LTBP2: variants seen among roughly 807,000 people sequenced by gnomAD.
LTBP2 encodes latent-transforming growth factor beta-binding protein 2.
In LTBP2, 103 loss-of-function variants were observed where a neutral mutation model predicts 210.6. The observed-to-expected ratio is 0.49, with a 90% CI of 0.42 to 0.58. LTBP2 has a LOEUF of 0.58. Among genes scored for constraint, LTBP2 ranks in the 20% least tolerant of loss-of-function variants. LTBP2 has a pLI of 0.00. For missense variants in LTBP2, 2,313 were observed against 2,494.5 expected, an observed-to-expected ratio of 0.93 and a Z score of 1.55; for synonymous variants, 1,007 against 1,015.0, an observed-to-expected ratio of 0.99 and a Z score of 0.15.
Position 74,500,841 on chromosome 14 carries a change from C to G in LTBP2, c.*43G>C, listed in dbSNP as rs773332497. ...TCATCCTCAAGGCCCCTGCCTGTGA[C>G]TGGAGGCCATTTCCAGGTAGTTGCC... On this transcript the variant is annotated 3_prime_UTR_variant, in exon 36 of 36. Coordinates refer to ENST00000261978, the MANE Select transcript of LTBP2 (RefSeq NM_000428.3). 1 of 1,612,304 alleles carries G rather than the reference C, an allele frequency of 6.2e-7. No homozygotes were observed. The highest frequency in any genetic ancestry group is 8.5e-7 in the Non-Finnish European group (1 of 1,179,440).
intron 3 of LTBP2, chr14:74,559,740 T>C (rs893494564): frequency 2.0e-5 from 3 of 152,238 alleles, no homozygotes; most frequent in African/African-American, 7.2e-5. Context: ...TTTAGCCAAA[T>C]CCTGTTTGCA....
chr14:74,583,667 C>T (rs891694854), intron 3 of LTBP2, among the ~76,000 whole-genome samples: 2 of 152,236 alleles, frequency 1.3e-5, no homozygotes, highest in Non-Finnish European at 2.9e-5. Context: ...CTCACACTGC[C>T]CATCCTCCTG....
At chr14:74,577,913 C>T (rs781406145) in intron 3 of LTBP2, among the ~76,000 whole-genome samples, 4 of 152,226 alleles carry the variant, frequency 2.6e-5, no homozygotes, top group East Asian at 1.9e-4. Flanking sequence ...TCCGAGCACA[C>T]GTTGGTCTTC....
chr14:74,510,130 G>A lies in LTBP2; in HGVS notation c.3112C>T (p.Gln1038Ter). 1 of 1,614,144 alleles carries A rather than the reference G, an allele frequency of 6.2e-7. No homozygotes were observed. ...LEGSFRCSCE[Q>*]GYEVTSDEKG... ...TCATCTGAGGTGACCTCATAGCCCT[G>A]CTCACAAGAGCATCTGAAGGAGCCT... The change falls in exon 20 of 36, where the codon CAG becomes TAG. Residue 1038 changes from glutamine (Q) to a stop codon, truncating the protein, a stop_gained. Transcript: ENST00000261978. LOFTEE classifies it high-confidence loss of function.
chr14:74,548,460 G>A (rs1442988322), intron 8 of LTBP2, among the ~76,000 whole-genome samples: 2 of 152,136 alleles, frequency 1.3e-5, no homozygotes, highest in Non-Finnish European at 2.9e-5. Context: ...GGGCCTGCAT[G>A]CTATGGCCTC....
In LTBP2 at chr14:74,555,515, A is replaced by G. The variant is rs2139752300; in HGVS notation, c.1009T>C (p.Ser337Pro). 1 of 1,613,678 alleles carries G rather than the reference A, an allele frequency of 6.2e-7. No homozygotes were observed. Among genetic ancestry groups the G allele is most frequent in the Middle Eastern group, 1.7e-4 (1 of 6,056 alleles). The change falls in exon 4 of 36, where the codon TCA becomes CCA. Residue 337 changes from serine (S) to proline (P), a missense_variant. Transcript: ENST00000261978. Reference protein sequence around the residue: ...TQQAVPLEHPSSPWGLNLTEK... With the variant: ...TQQAVPLEHPPSPWGLNLTEK... ...AGGGTATCCTTACCCCAGGGGGATG[A>G]GGGGTGCTCCAGAGGTACCGCCTGT...
At chr14:74,602,307 C>T (rs1399923900) in intron 2 of LTBP2, among the ~76,000 whole-genome samples, 2 of 152,192 alleles carry the variant, frequency 1.3e-5, no homozygotes, top group African/African-American at 2.4e-5. Context: ...ATTGACAGGT[C>T]GAACTAAGAT....
rs765433726 is a variant in LTBP2 at position 74,500,891 on chromosome 14, T to C, written c.5459A>G (p.Lys1820Arg). 6.2e-7 allele frequency: 1 copy of C among 1,614,088 alleles called. No individual in the cohort carries two copies. The highest frequency in any genetic ancestry group is 1.1e-5 in the South Asian group (1 of 91,088). Residue 1820 changes from lysine (K) to arginine (R), a missense_variant, in exon 36 of 36, where the codon AAG (lysine) becomes AGG (arginine). Around this residue, in one of 3 missense-constraint regions of LTBP2, gnomAD observed 443 missense variants for 501.4 expected, o/e 0.88. Transcript: ENST00000261978. The part of the protein sequence containing the change: ...AEAGPPHCTA[K>R]E The stretch of plus-strand genomic sequence containing the variant: ...CACACTGACCCCTGACTGCTACTCC[T>C]TGGCAGTGCAGTGGGGGGGCCCTGC...
intron 3 of LTBP2, among the ~76,000 whole-genome samples, chr14:74,578,612 C>T (rs2088092798): frequency 6.6e-6 from 1 of 152,166 alleles, no homozygotes; most frequent in Non-Finnish European, 1.5e-5. Flanking sequence ...AGTCTGCACT[C>T]CCCCATAACA....
Position 74,502,873 on chromosome 14 carries a change from G to T in LTBP2, c.4950C>A (p.His1650Gln). Residue 1650 changes from histidine (H) to glutamine (Q), a missense_variant, in exon 34 of 36, where the codon CAC (histidine) becomes CAA (glutamine). Around this residue, in one of 3 missense-constraint regions of LTBP2, gnomAD observed 443 missense variants for 501.4 expected, o/e 0.88. Transcript: ENST00000261978. ...RIEAEREAGVHFRPGYEYGPG... is the reference protein window; with the variant it reads ...RIEAEREAGVQFRPGYEYGPG... ...GGCCATACTCATAGCCTGGCCGGAAGTGGACCCCGGCCTCCCGCTCTGCCT... is the reference window on the plus strand; with the variant it reads ...GGCCATACTCATAGCCTGGCCGGAATTGGACCCCGGCCTCCCGCTCTGCCT... 8 of 1,613,726 alleles carry T rather than the reference G, an allele frequency of 5.0e-6. No homozygotes were observed. Among genetic ancestry groups the T allele is most frequent in the Non-Finnish European group, 6.8e-6 (8 of 1,180,042 alleles).
intron 12 of LTBP2, 111 bp downstream of exon 12, chr14:74,528,372 G>T: frequency 1.6e-6 from 2 of 1,251,566 alleles, no homozygotes; most frequent in Non-Finnish European, 1.2e-6. Flanking sequence ...CTTTCCTAAT[G>T]CCACAGAGAT....
chr14:74,518,486 C>T (rs1235231787), intron 17 of LTBP2, among the ~76,000 whole-genome samples: 1 of 152,176 alleles, frequency 6.6e-6, no homozygotes, highest in Non-Finnish European at 1.5e-5. Context: ...TCCTACACAC[C>T]AGTGTGACTG....
chr14:74,540,045 G>A (rs1004070727), intron 8 of LTBP2, among the ~76,000 whole-genome samples: 25 of 152,164 alleles, frequency 1.6e-4, no homozygotes, highest in Non-Finnish European at 3.5e-4. Context: ...TGTCTCTGGG[G>A]AAACTCCCAT....
chr14:74,555,610 G>T lies in LTBP2; in HGVS notation c.914C>A (p.Thr305Lys), dbSNP rs377240360. The change falls in exon 4 of 36, where the codon ACG becomes AAG. Residue 305 changes from threonine (T) to lysine (K), a missense_variant. By Grantham distance (78) the Thr-to-Lys change is moderately conservative (BLOSUM62 -1). Around this residue, in one of 3 missense-constraint regions of LTBP2, gnomAD observed 1,867 missense variants for 1,976.9 expected, o/e 0.94. Transcript: ENST00000261978. ...GTTGGAAGAGAGCTGGCTACTGGCC[G>T]TGGCAGTCGGGTGAAGTCGGACAGT... The part of the protein sequence containing the change: ...SRTVRLHPTA[T>K]ASSQLSSNAL... 2.5e-6 allele frequency: 4 copies of T among 1,610,052 alleles called. No individual in the cohort carries two copies. In the African/African-American group the frequency reaches 5.3e-5, roughly 22 times the overall value.
At position 74,586,030 on chromosome 14, in the gene LTBP2, G is replaced by A. The variant is rs375324850; in HGVS notation, c.654C>T (p.Cys218=). Residue 218 remains cysteine, a synonymous_variant, in exon 3 of 36, where the codon TGC becomes TGT. Coordinates refer to ENST00000261978, the MANE Select transcript of LTBP2 (RefSeq NM_000428.3). This position sits in a 1 kb window ranked among gnomAD's most constrained non-coding sequence, Gnocchi z 4.6. The stretch of plus-strand genomic sequence containing the variant: ...ATTCCTCATCGGGAATGACCTCCTC[G>A]CAGCGGGCTCCACGGAAACCAGAGC... ...VCRSGFRGAR[C]EEVIPDEEFD... 8.5e-5 allele frequency: 136 copies of A among 1,604,080 alleles called. No individual in the cohort carries two copies. Among genetic ancestry groups the A allele is most frequent in the Non-Finnish European group, 1.1e-4 (130 of 1,175,638 alleles).
intron 34 of LTBP2, 115 bp downstream of exon 34, chr14:74,502,538 G>T: frequency 6.8e-7 from 1 of 1,462,730 alleles, no homozygotes; most frequent in Non-Finnish European, 9.5e-7. Context: ...CTGGCTTGGT[G>T]TGTCTTTCCC....
intron 8 of LTBP2, among the ~76,000 whole-genome samples, chr14:74,536,998 T>G (rs2087429705): frequency 1.3e-5 from 2 of 152,168 alleles, no homozygotes; most frequent in African/African-American, 4.8e-5. Flanking sequence ...GTTATATATA[T>G]AACATGGATT....
At position 74,500,483 on chromosome 14, in the gene LTBP2, C is replaced by A; in HGVS notation, c.*401G>T. The A allele has an allele frequency of 2.4e-6, 1 of 424,788 alleles. No individual in the cohort carries two copies. Among genetic ancestry groups the A allele is most frequent in the Non-Finnish European group, 4.4e-6 (1 of 225,322 alleles). 26.3% of individuals were successfully genotyped at this position (424,788 alleles called of 1,614,324 possible). ...TCCCTAGGGCAGATGTAGCCTCTGT[C>A]CCAGTTGTGGGATCGTCAGGATGAT... is the stretch of plus-strand genomic sequence containing the variant. On this transcript the variant is annotated 3_prime_UTR_variant, in exon 36 of 36. Coordinates refer to ENST00000261978, the MANE Select transcript of LTBP2 (RefSeq NM_000428.3).
At chr14:74,584,480 T>C (rs1394238445) in intron 3 of LTBP2, among the ~76,000 whole-genome samples, 1 of 152,108 alleles carries the variant, frequency 6.6e-6, no homozygotes, top group East Asian at 1.9e-4. Context: ...CTAGTATTCC[T>C]CCAGGTGCCT....
Sources: allele counts gnomAD v4.1 joint callset (sites outside exome capture counted in the v4.1 genomes callset), GRCh38; gene constraint gnomAD v4.1.1; regional missense constraint gnomAD v4.1.1; non-coding constraint Gnocchi (gnomAD v3.1); transcripts MANE v1.5; gene names NCBI Gene and HGNC (gene_info 2026-07-23, HGNC 2026-07-21).